Variants in GABRA3 observed in about 807,000 individuals in gnomAD.
The protein encoded by GABRA3 is gamma-aminobutyric acid receptor subunit alpha-3.
GABRA3 carries 10 observed loss-of-function variants against 30.1 expected under a neutral mutation model. That is an observed-to-expected ratio of 0.33 (90% CI 0.20 to 0.56). The LOEUF (loss-of-function observed/expected upper bound fraction) is 0.56. GABRA3 is among the 20% of genes least tolerant of loss of function. The pLI, the probability that GABRA3 is intolerant of heterozygous loss-of-function variation, is 0.89. For synonymous variants in GABRA3, 151 were observed against 146.8 expected, an observed-to-expected ratio of 1.03 and a Z score of -0.21; for missense variants, 233 against 392.0, an observed-to-expected ratio of 0.59 and a Z score of 3.42.
intron 3 of GABRA3, among the ~76,000 whole-genome samples, chrX:152,302,083 C>G (rs1329611510): frequency 9.1e-6 from 1 of 110,277 alleles, no homozygotes; most frequent in Non-Finnish European, 1.9e-5. Context: ...TAGAATAAAA[C>G]AATTCAAATA....
At chrX:152,378,849 T>C (rs1351797626) in intron 1 of GABRA3, among the ~76,000 whole-genome samples, 1 of 111,829 alleles carries the variant, frequency 8.9e-6, no homozygotes, top group Non-Finnish European at 1.9e-5. Flanking sequence ...AAAAATCCTC[T>C]ATTTTTTAAT....
At chrX:152,286,275 C>A (rs1005655101) in intron 3 of GABRA3, among the ~76,000 whole-genome samples, 1 of 107,542 alleles carries the variant, frequency 9.3e-6, no homozygotes, top group Non-Finnish European at 1.9e-5. Flanking sequence ...GTCAGCCCTA[C>A]TTACCCCCAC....
chrX:152,175,047 G>T (rs1012628603), intron 9 of GABRA3, among the ~76,000 whole-genome samples: 14 of 111,784 alleles, frequency 1.3e-4, no homozygotes, highest in African/African-American at 4.6e-4. Context: ...ATTAAATAGG[G>T]AATCCTTTCC....
Position 152,234,135 on chromosome X carries a change from A to T in GABRA3, c.552-9290T>A, listed in dbSNP as rs939776722. Among the ~76,000 whole-genome samples the T allele has an allele frequency of 4.7e-4, 51 of 108,449 alleles. 1 individual carries two copies. Among genetic ancestry groups the T allele is most frequent in the African/African-American group, 1.7e-3 (49 of 29,687 alleles). The allele number at this position is 108,449 out of a possible 115,157, so 94.2% of individuals were successfully genotyped here. A position where few individuals can be genotyped will look rare whatever the true frequency, so the allele number is the denominator to read the frequency against. On this transcript the variant is annotated intron_variant, in intron 5 of 9. Coordinates refer to ENST00000370314, the MANE Select transcript of GABRA3 (RefSeq NM_000808.4). Reference sequence around the variant, plus strand: ...TGGGTGCAGTGCACCAGCATGGCACATGTATACATGTGTAACTAAGCTGCA... The same window carrying T: ...TGGGTGCAGTGCACCAGCATGGCACTTGTATACATGTGTAACTAAGCTGCA...
At chrX:152,172,768 G>T (rs755084558) in intron 9 of GABRA3, among the ~76,000 whole-genome samples, 5 of 111,770 alleles carry the variant, frequency 4.5e-5, no homozygotes, top group African/African-American at 1.6e-4. Flanking sequence ...GAGACAGAAA[G>T]TAGAATGGTG....
chrX:152,437,890 T>C (rs1365667311), intron 1 of GABRA3, among the ~76,000 whole-genome samples: 1 of 111,121 alleles, frequency 9.0e-6, no homozygotes, highest in East Asian at 2.8e-4. Context: ...GCCAGTAAAA[T>C]ACAAAACCAA....
At chrX:152,370,642 G>C (rs1480008812) in intron 1 of GABRA3, among the ~76,000 whole-genome samples, 2 of 111,559 alleles carry the variant, frequency 1.8e-5, no homozygotes, top group African/African-American at 3.3e-5. Context: ...TTGACATATA[G>C]TAAATTTTGG....
At chrX:152,279,987 C>T in intron 4 of GABRA3, among the ~76,000 whole-genome samples, 1 of 111,424 alleles carries the variant, frequency 9.0e-6, no homozygotes, top group African/African-American at 3.3e-5. Context: ...GCTGAAGTTG[C>T]TTATCAGCTT....
intron 1 of GABRA3, among the ~76,000 whole-genome samples, chrX:152,421,533 A>T (rs1311184335): frequency 9.0e-6 from 1 of 111,639 alleles, no homozygotes; most frequent in African/African-American, 3.3e-5. Flanking sequence ...TAAAAGTCTG[A>T]TCAACTAGAC....
In GABRA3 at chrX:152,193,191, C is replaced by T. The variant is rs184764123; in HGVS notation, c.932-3250G>A. 4.7e-3 allele frequency among the ~76,000 whole-genome samples: 525 copies of T among 111,117 alleles called. 3 individuals are homozygous for T. Among genetic ancestry groups the T allele is most frequent in the Non-Finnish European group, 8.1e-3 (429 of 53,038 alleles). Reference sequence around the variant, plus strand: ...ATCTCCCCAAAGATTCCTTTGTGCCCATGCCATCCCCTCCTTGGTCTTAGG... The same window carrying T: ...ATCTCCCCAAAGATTCCTTTGTGCCTATGCCATCCCCTCCTTGGTCTTAGG... On this transcript the variant is annotated intron_variant, in intron 8 of 9. Coordinates refer to ENST00000370314, the MANE Select transcript of GABRA3 (RefSeq NM_000808.4).
In GABRA3 at chrX:152,401,681, T is replaced by C. The variant is rs144659544; in HGVS notation, c.-26-37085A>G. ...TGATGGCGAAAATTCAGTTATACTA[T>C]TGGGAGTGGGAGGAATACTTTTTGC... On this transcript the variant is annotated intron_variant, in intron 1 of 9. Transcript: ENST00000370314. Among the ~76,000 whole-genome samples the C allele has an allele frequency of 1.1e-3, 121 of 111,881 alleles. 1 individual carries two copies. In the East Asian group the frequency reaches 0.032, roughly 30 times the overall value.
chrX:152,262,592 C>G (rs746999458), intron 4 of GABRA3, among the ~76,000 whole-genome samples: 18 of 112,022 alleles, frequency 1.6e-4, no homozygotes, highest in Middle Eastern at 4.6e-3. Context: ...CATCTGAGAC[C>G]ACCTCAGCCT....
intron 3 of GABRA3, among the ~76,000 whole-genome samples, chrX:152,295,724 A>G (rs1029169861): frequency 1.8e-5 from 2 of 112,123 alleles, no homozygotes; most frequent in Admixed American, 9.4e-5. Context: ...AACAGTCCCA[A>G]TGAGATGAAA....
intron 5 of GABRA3, among the ~76,000 whole-genome samples, chrX:152,229,757 G>C (rs1446755335): frequency 9.0e-6 from 1 of 110,909 alleles, no homozygotes; most frequent in Non-Finnish European, 1.9e-5. Flanking sequence ...TTCACTATGA[G>C]TGAAATATAG....
intron 9 of GABRA3, among the ~76,000 whole-genome samples, chrX:152,187,670 T>C (rs1413219464): frequency 9.0e-6 from 1 of 111,198 alleles, no homozygotes; most frequent in Non-Finnish European, 1.9e-5. Flanking sequence ...CATAAGAGAT[T>C]ATATAGACAA....
At chrX:152,263,734 T>C (rs963213380) in intron 4 of GABRA3, among the ~76,000 whole-genome samples, 3 of 111,586 alleles carry the variant, frequency 2.7e-5, no homozygotes, top group Admixed American at 9.5e-5. Flanking sequence ...AAGAAGGTTA[T>C]AGAACATCAA....
At chrX:152,294,676 G>A (rs1004731986) in intron 3 of GABRA3, among the ~76,000 whole-genome samples, 2 of 111,455 alleles carry the variant, frequency 1.8e-5, no homozygotes, top group African/African-American at 6.5e-5. Flanking sequence ...CATTGCTGGT[G>A]AGGAGCTGCG....
At position 152,345,713 on chromosome X, in the gene GABRA3, G is replaced by A. The variant is rs780119631; in HGVS notation, c.141-11C>T. On this transcript the variant is annotated splice_polypyrimidine_tract_variant and intron_variant, in intron 2 of 9. Transcript: ENST00000370314. ...TGCTTAGGAGACAGCCTGAGGCAAT[G>A]CAAGGAAAAGAAAAAAAATAATAGT... 3 of 1,147,683 alleles carry A rather than the reference G, an allele frequency of 2.6e-6. No homozygotes were observed. Among genetic ancestry groups the A allele is most frequent in the Non-Finnish European group, 3.4e-6 (3 of 871,865 alleles). 94.6% of individuals were successfully genotyped at this position (1,147,683 alleles called of 1,213,427 possible).
At chrX:152,251,952 G>T (rs183906089) in intron 5 of GABRA3, among the ~76,000 whole-genome samples, 101 of 110,990 alleles carry the variant, frequency 9.1e-4, no homozygotes, top group Non-Finnish European at 1.6e-3. Context: ...AACTCTAACT[G>T]TAGATTTGAT....
Sources: gnomAD v4.1 joint callset for allele counts (sites outside exome capture counted in the v4.1 genomes callset) on GRCh38, gnomAD v4.1.1 for gene constraint, MANE v1.5 for transcripts, NCBI Gene and HGNC (gene_info 2026-07-23, HGNC 2026-07-21) for gene names.